Variants in ZNF704 observed in about 807,000 individuals in gnomAD.
The protein encoded by ZNF704 is zinc finger protein 704, also known as glucocorticoid induced gene 1.
ZNF704 carries 10 observed loss-of-function variants against 44.7 expected under a neutral mutation model. That is an observed-to-expected ratio of 0.22 (90% confidence interval 0.14 to 0.38). The LOEUF is 0.38. ZNF704 is among the 10% of genes least tolerant of loss of function. The probability of loss-of-function intolerance (pLI) is 1.00; values close to 1 mark genes in which losing one functional copy is unlikely to be tolerated. For missense variants in ZNF704, 390 were observed against 545.5 expected, an observed-to-expected ratio of 0.71 and a Z score of 2.84; for synonymous variants, 211 against 207.6, an observed-to-expected ratio of 1.02 and a Z score of -0.14.
chr8:80,737,960 G>A (rs971336601), intron 2 of ZNF704, among the ~76,000 whole-genome samples: 4 of 152,130 alleles, frequency 2.6e-5, no homozygotes, highest in African/African-American at 9.7e-5. Flanking sequence ...TAGTTGGCAT[G>A]TTTCTTCTAG....
rs907548338 is a variant in ZNF704, at chr8:80,633,335, A to G, written c.*8031T>C. On this transcript the variant is annotated 3_prime_UTR_variant, in exon 9 of 9. Coordinates refer to ENST00000327835, the MANE Select transcript of ZNF704 (RefSeq NM_001033723.3). ...GTCAAAACTTTTACTCAGAACATAC[A>G]TTTAGCTAATAAACTCCTATAATTA... is the stretch of plus-strand genomic sequence containing the variant. 1 of 152,232 alleles carries G rather than the reference A, an allele frequency of 6.6e-6. No homozygotes were observed. The highest frequency in any genetic ancestry group is 2.4e-5 in the African/African-American group (1 of 41,454). The allele number at this position is 152,232 out of a possible 1,614,324, so 9.4% of individuals were successfully genotyped here.
chr8:80,787,962 T>G (rs749801858), intron 2 of ZNF704, among the ~76,000 whole-genome samples: 11 of 152,236 alleles, frequency 7.2e-5, no homozygotes, highest in Admixed American at 2.6e-4. Flanking sequence ...TTGTAGCCAT[T>G]ATGATTTAGC....
intron 7 of ZNF704, among the ~76,000 whole-genome samples, chr8:80,650,902 A>C (rs1817906663): frequency 6.6e-6 from 1 of 152,234 alleles, no homozygotes; most frequent in African/African-American, 2.4e-5. Flanking sequence ...AAAAATATTA[A>C]GGGCAGCCAG....
At chr8:80,824,383 A>G (rs929997202) in intron 1 of ZNF704, among the ~76,000 whole-genome samples, 5 of 152,232 alleles carry the variant, frequency 3.3e-5, no homozygotes, top group East Asian at 1.9e-4. Context: ...GAGAAAAAAG[A>G]GTAAAAAGAA....
At chr8:80,686,364 C>T (rs1818535028) in intron 4 of ZNF704, among the ~76,000 whole-genome samples, 1 of 151,978 alleles carries the variant, frequency 6.6e-6, no homozygotes, top group Non-Finnish European at 1.5e-5. Flanking sequence ...AATTAGATGT[C>T]TTTTTTTTCT....
intron 2 of ZNF704, among the ~76,000 whole-genome samples, chr8:80,701,948 C>T (rs1443354611): frequency 1.3e-5 from 2 of 152,078 alleles, no homozygotes; most frequent in Non-Finnish European, 2.9e-5. Flanking sequence ...AAACATGGTT[C>T]TTTGAGGAAG....
At chr8:80,868,193 C>A (rs187480476) in intron 1 of ZNF704, among the ~76,000 whole-genome samples, 1 of 152,224 alleles carries the variant, frequency 6.6e-6, no homozygotes, top group Non-Finnish European at 1.5e-5. Flanking sequence ...CTTATACAGG[C>A]GCCCAGGGGT....
chr8:80,753,321 G>C (rs1207655165), intron 2 of ZNF704, among the ~76,000 whole-genome samples: 1 of 152,172 alleles, frequency 6.6e-6, no homozygotes, highest in Non-Finnish European at 1.5e-5. Context: ...TGCTGGAGGA[G>C]GGCAAGGAAT....
At chr8:80,790,124 T>C (rs1807679644) in intron 2 of ZNF704, among the ~76,000 whole-genome samples, 1 of 152,204 alleles carries the variant, frequency 6.6e-6, no homozygotes, top group African/African-American at 2.4e-5. Context: ...CTCTTCAATG[T>C]GCATCAGTAT....
intron 2 of ZNF704, among the ~76,000 whole-genome samples, chr8:80,739,555 T>G (rs557003214): frequency 6.6e-6 from 1 of 152,302 alleles, no homozygotes; most frequent in South Asian, 2.1e-4. Flanking sequence ...TTGAAAAACA[T>G]TTTTCTTCTC....
rs898243752 is a variant in ZNF704 at position 80,631,610 on chromosome 8, C to T, written c.*9756G>A. On this transcript the variant is annotated 3_prime_UTR_variant, in exon 9 of 9. Coordinates refer to ENST00000327835, the MANE Select transcript of ZNF704 (RefSeq NM_001033723.3). Reference sequence around the variant, plus strand: ...GGTTCTGATCACTCTATTAGCCTCGCACGTGGAGAGGACCGGTAGGGTTGG... The same window carrying T: ...GGTTCTGATCACTCTATTAGCCTCGTACGTGGAGAGGACCGGTAGGGTTGG... 2.6e-5 allele frequency: 4 copies of T among 152,230 alleles called. No individual in the cohort carries two copies. Among genetic ancestry groups the T allele is most frequent in the African/African-American group, 9.7e-5 (4 of 41,442 alleles). The allele number at this position is 152,230 out of a possible 1,614,324, so 9.4% of individuals were successfully genotyped here.
chr8:80,873,317 G>C (rs940912119), intron 1 of ZNF704, among the ~76,000 whole-genome samples: 1 of 152,156 alleles, frequency 6.6e-6, no homozygotes, highest in African/African-American at 2.4e-5. Context: ...TTTGAGGAAA[G>C]CGGGAGCCGC....
At chr8:80,865,649 T>A (rs1210096614) in intron 1 of ZNF704, among the ~76,000 whole-genome samples, 2 of 152,250 alleles carry the variant, frequency 1.3e-5, no homozygotes, top group African/African-American at 4.8e-5. Context: ...TTAGTCTGAA[T>A]CGAGGAGATA....
chr8:80,784,252 A>G (rs988428378), intron 2 of ZNF704, among the ~76,000 whole-genome samples: 1 of 152,222 alleles, frequency 6.6e-6, no homozygotes, highest in African/African-American at 2.4e-5. Context: ...TGGTGTGGAT[A>G]TAAGTTTTTA....
intron 2 of ZNF704, among the ~76,000 whole-genome samples, chr8:80,780,944 T>A (rs1188602649): frequency 6.6e-6 from 1 of 152,106 alleles, no homozygotes; most frequent in Non-Finnish European, 1.5e-5. Context: ...ATAGAAAAGT[T>A]TGGAAGAGAG....
At chr8:80,767,011 C>T (rs865941709) in intron 2 of ZNF704, among the ~76,000 whole-genome samples, 1 of 152,106 alleles carries the variant, frequency 6.6e-6, no homozygotes, top group South Asian at 2.1e-4. Context: ...CTGAACCCGG[C>T]GCGTGACTCT....
chr8:80,796,827 G>A (rs1261744695), intron 2 of ZNF704, among the ~76,000 whole-genome samples: 2 of 136,032 alleles, frequency 1.5e-5, no homozygotes, highest in Non-Finnish European at 3.2e-5. Flanking sequence ...TGAAAGAAAA[G>A]AAAGAAAAGA....
rs1273277925 is a variant in ZNF704 at position 80,635,081 on chromosome 8, T to C, written c.*6285A>G. 7.9e-5 allele frequency: 12 copies of C among 152,244 alleles called. No individual in the cohort carries two copies. 9.4% of individuals were successfully genotyped at this position (152,244 alleles called of 1,614,324 possible). On this transcript the variant is annotated 3_prime_UTR_variant, in exon 9 of 9. Transcript: ENST00000327835. Reference sequence around the variant, plus strand: ...TCATAAGAGCTGCCCAACGGGTGTATGGCTGTTCTATCTCAGCTTTGCTTT... The same window carrying C: ...TCATAAGAGCTGCCCAACGGGTGTACGGCTGTTCTATCTCAGCTTTGCTTT...
chr8:80,869,060 A>C (rs1041092762), intron 1 of ZNF704, among the ~76,000 whole-genome samples: 1 of 152,178 alleles, frequency 6.6e-6, no homozygotes, highest in African/African-American at 2.4e-5. Context: ...TTTTATCTTT[A>C]AATAAGTCGC....
Sources: allele counts gnomAD v4.1 joint callset (sites outside exome capture counted in the v4.1 genomes callset), GRCh38; gene constraint gnomAD v4.1.1; transcripts MANE v1.5; gene names NCBI Gene and HGNC (gene_info 2026-07-23, HGNC 2026-07-21).